GART: variants seen among roughly 807,000 people sequenced by gnomAD.
The protein encoded by GART is trifunctional purine biosynthetic protein adenosine-3.
In GART, 43 loss-of-function variants were observed where a neutral mutation model predicts 107.2. The observed-to-expected ratio is 0.40, with a 90% CI of 0.31 to 0.52. The LOEUF (loss-of-function observed/expected upper bound fraction) is 0.52. GART is among the 20% of genes least tolerant of loss of function. The pLI is 0.52. For synonymous variants in GART, 434 were observed against 427.0 expected, an observed-to-expected ratio of 1.02 and a Z score of -0.20; for missense variants, 1,107 against 1,206.5, an observed-to-expected ratio of 0.92 and a Z score of 1.22.
Position 33,528,851 on chromosome 21 carries a change from T to C in GART, c.810A>G (p.Thr270=). Residue 270 remains threonine (T), a splice_region_variant and synonymous_variant, in exon 8 of 22, where the codon ACA becomes ACG. Coordinates refer to ENST00000381815, the MANE Select transcript of GART (RefSeq NM_000819.5). ...CCATAGTAATGTGGGTGGGCCTACC[T>C]GTATATGGAGTACCCTCTTGCTGCA... ...DGMQQEGTPY[T]GILYAGIMLT... The C allele has an allele frequency of 1.2e-6, 2 of 1,607,266 alleles. No homozygotes were observed. The highest frequency in any genetic ancestry group is 1.7e-6 in the Non-Finnish European group (2 of 1,174,294).
intron 11 of GART, among the ~76,000 whole-genome samples, chr21:33,523,851 C>A (rs2085017010): frequency 6.6e-6 from 1 of 151,126 alleles, no homozygotes; most frequent in African/African-American, 2.4e-5. Context: ...CCTGTAATCC[C>A]AGCTACTCAG....
intron 16 of GART, among the ~76,000 whole-genome samples, chr21:33,512,289 GAA>G (rs563178142): frequency 1.6e-3 from 106 of 65,450 alleles, no homozygotes; most frequent in East Asian, 6.8e-3. Flanking sequence ...GACTCAAATT[GAA>G]AAAAAAAAAA....
chr21:33,511,196 TAGCTAAAATTATAC>T (rs2084778521), intron 17 of GART, 42 bp downstream of exon 17: 6 of 1,577,244 alleles, frequency 3.8e-6, no homozygotes, highest in African/African-American at 2.7e-5. Context: ...GGCTGAGGTA[TAGCTAAAATTATAC>T]AGCTAAAATT....
At chr21:33,537,586 C>T (rs1175749291) in intron 2 of GART, among the ~76,000 whole-genome samples, 1 of 152,090 alleles carries the variant, frequency 6.6e-6, no homozygotes, top group Non-Finnish European at 1.5e-5. Context: ...TGGACACTTG[C>T]TTTTAGTAAG....
intron 10 of GART, among the ~76,000 whole-genome samples, chr21:33,526,831 T>G (rs532036661): frequency 6.6e-6 from 1 of 152,358 alleles, no homozygotes; most frequent in Admixed American, 6.5e-5. Context: ...GATAACACTT[T>G]TTCTTAATTT....
chr21:33,518,660 G>T, intron 14 of GART: 1 of 420,268 alleles, frequency 2.4e-6, no homozygotes, highest in South Asian at 1.8e-5. Flanking sequence ...TTCTTCTTCA[G>T]AAGTTGACTC....
At position 33,505,711 on chromosome 21, in the gene GART, G is replaced by A; in HGVS notation, c.2584-9C>T. 1 of 1,582,284 alleles carries A rather than the reference G, an allele frequency of 6.3e-7. No homozygotes were observed. Among genetic ancestry groups the A allele is most frequent in the South Asian group, 1.2e-5 (1 of 85,582 alleles). ...AGTTTATGATTAATTACCTGTAATA[G>A]AAAAAGATAAGCACAACCCTTTTCA... On this transcript the variant is annotated splice_polypyrimidine_tract_variant and intron_variant, in intron 19 of 21. Transcript: ENST00000381815.
At chr21:33,532,129 A>C (rs578254703) in intron 5 of GART, 1 of 508,402 alleles carries the variant, frequency 2.0e-6, no homozygotes, top group African/African-American at 1.9e-5. Flanking sequence ...AGGATGTTAC[A>C]ATTTACTTCA....
intron 11 of GART, among the ~76,000 whole-genome samples, chr21:33,522,889 C>T (rs2084998468): frequency 2.0e-5 from 3 of 152,084 alleles, no homozygotes; most frequent in Admixed American, 1.3e-4. Flanking sequence ...AGAGGAATGC[C>T]TAATCAAGTC....
chr21:33,531,044 T>C (rs2085178064), intron 6 of GART, 160 bp from the exon 7 acceptor site: 4 of 514,108 alleles, frequency 7.8e-6, no homozygotes, highest in Non-Finnish European at 1.2e-5. Context: ...TTAAGCTACA[T>C]ACATCAAGAA....
In GART at chr21:33,509,829, A is replaced by G. The variant is rs2084751748; in HGVS notation, c.2406T>C (p.Ser802=). The part of the protein sequence containing the change: ...LKNGSLTNHF[S]FEKKKARVAV... ...CCACTCTGGCCTTTTTTTTTTCAAA[A>G]GAGAAATGATTTGTCAGGGAGCCAT... The change falls in exon 18 of 22, where the codon TCT becomes TCC. Residue 802 remains serine, a synonymous_variant. Transcript: ENST00000381815. 2 of 1,613,106 alleles carry G rather than the reference A, an allele frequency of 1.2e-6. No homozygotes were observed. Among genetic ancestry groups the G allele is most frequent in the Admixed American group, 1.7e-5 (1 of 59,824 alleles).
chr21:33,522,553 T>C (rs923461551), intron 11 of GART, among the ~76,000 whole-genome samples: 1 of 152,320 alleles, frequency 6.6e-6, no homozygotes, highest in Admixed American at 6.5e-5. Flanking sequence ...AATCACCTAT[T>C]TCTTCTACAA....
intron 16 of GART, among the ~76,000 whole-genome samples, chr21:33,515,652 C>CAAAAAAAAAAAAAAAAAAAAAAA (rs71194850): frequency 2.8e-5 from 1 of 35,878 alleles, no homozygotes; most frequent in African/African-American, 1.3e-4. Context: ...GACTCCAACT[C>CAAAAAAAAAAAAAAAAAAAAAAA]AAAAAAAAAA....
At chr21:33,535,070 G>GA (rs1371444558) in intron 3 of GART, among the ~76,000 whole-genome samples, 155 bp downstream of exon 3, 4 of 151,742 alleles carry the variant, frequency 2.6e-5, no homozygotes, top group East Asian at 1.9e-4. Flanking sequence ...TGATGCTTGG[G>GA]AAAAAAAATC....
chr21:33,531,023 C>T (rs1460881439), intron 6 of GART, 139 bp from the exon 7 acceptor site: 4 of 639,934 alleles, frequency 6.3e-6, no homozygotes, highest in South Asian at 4.5e-5. Context: ...TGAACCGAAA[C>T]GTCAATAACA....
chr21:33,518,079 G>A (rs1407576842), intron 14 of GART, among the ~76,000 whole-genome samples: 2 of 152,212 alleles, frequency 1.3e-5, no homozygotes, highest in Non-Finnish European at 1.5e-5. Context: ...CAAGATATAA[G>A]GTATAGGCAG....
chr21:33,510,842 T>G (rs1343335230), intron 17 of GART, among the ~76,000 whole-genome samples: 7 of 152,146 alleles, frequency 4.6e-5, no homozygotes, highest in Admixed American at 4.6e-4. Context: ...AAAGCAAGCA[T>G]GTGACGTCTT....
intron 10 of GART, 35 bp downstream of exon 10, chr21:33,528,132 C>G (rs201892919): frequency 3.1e-6 from 5 of 1,603,188 alleles, no homozygotes; most frequent in Middle Eastern, 1.8e-4. Flanking sequence ...GCACTTGTCA[C>G]GTTGTACTCC....
intron 10 of GART, among the ~76,000 whole-genome samples, chr21:33,527,287 G>A (rs906317744): frequency 1.3e-5 from 2 of 152,104 alleles, no homozygotes; most frequent in African/African-American, 4.8e-5. Context: ...AGGAGGATGA[G>A]GTAGGCGGAT....
Sources: allele counts gnomAD v4.1 joint callset (sites outside exome capture counted in the v4.1 genomes callset), GRCh38; gene constraint gnomAD v4.1.1; transcripts MANE v1.5; gene names NCBI Gene and HGNC (gene_info 2026-07-23, HGNC 2026-07-21).